Variants in DNAH17 observed in about 807,000 individuals in gnomAD.
DNAH17 encodes the protein axonemal beta dynein heavy chain 17.
DNAH17 carries 376 observed loss-of-function variants against 485.6 expected under a neutral mutation model. That is an observed-to-expected ratio of 0.77 (90% CI 0.71 to 0.84). DNAH17 has a LOEUF of 0.84. DNAH17 is among the 40% of genes least tolerant of loss of function. DNAH17 has a pLI of 0.00. For synonymous variants in DNAH17, 3,031 were observed against 2,405.9 expected, an observed-to-expected ratio of 1.26 and a Z score of -7.60; for missense variants, 6,370 against 5,839.3, an observed-to-expected ratio of 1.09 and a Z score of -2.96.
At chr17:78,565,950 C>CA (rs1172487289) in intron 11 of DNAH17, among the ~76,000 whole-genome samples, 1 of 151,554 alleles carries the variant, frequency 6.6e-6, no homozygotes. Context: ...GACTCCATCT[C>CA]AAAAAACAAA....
chr17:78,561,959 G>C lies in DNAH17; in HGVS notation c.1591C>G (p.Leu531Val). ...SAKLLYMCGGLMERPLILAEV... is the reference protein window; with the variant it reads ...SAKLLYMCGGVMERPLILAEV... ...GCAAGAATCAGGGGCCGCTCCATGA[G>C]GCCCCCACACATGTACAGGAGCTGA... The change falls in exon 12 of 81, where the codon CTC becomes GTC. Residue 531 changes from leucine (L) to valine (V), a missense_variant. Leu to Val is a conservative substitution (Grantham distance 32). Coordinates refer to ENST00000389840, the MANE Select transcript of DNAH17 (RefSeq NM_173628.4). 6.2e-7 allele frequency: 1 copy of C among 1,609,586 alleles called. No individual in the cohort carries two copies. The highest frequency in any genetic ancestry group is 8.5e-7 in the Non-Finnish European group (1 of 1,177,932).
In DNAH17 at chr17:78,445,633, G is replaced by A; in HGVS notation, c.11259C>T (p.Leu3753=). 1 of 1,572,216 alleles carries A rather than the reference G, an allele frequency of 6.4e-7. No homozygotes were observed. Among genetic ancestry groups the A allele is most frequent in the Non-Finnish European group, 8.6e-7 (1 of 1,158,786 alleles). ...KELNPVELDF[L]LRFPFKAGVV... ...CTCCGGCCTTAAAAGGGAACCGCAGGAGGAAATCCAGCTCCACTGGGTTCA... is the reference window on the plus strand; with the variant it reads ...CTCCGGCCTTAAAAGGGAACCGCAGAAGGAAATCCAGCTCCACTGGGTTCA... Residue 3753 remains leucine, a synonymous_variant, in exon 70 of 81, where the codon CTC becomes CTT. Coordinates refer to ENST00000389840, the MANE Select transcript of DNAH17 (RefSeq NM_173628.4).
chr17:78,452,371 C>T (rs901478044), intron 65 of DNAH17, among the ~76,000 whole-genome samples: 4 of 152,142 alleles, frequency 2.6e-5, no homozygotes, highest in South Asian at 2.1e-4. Flanking sequence ...CCCGGCCACA[C>T]GTGGAAAATG....
chr17:78,464,130 G>A (rs1343240768), intron 56 of DNAH17, among the ~76,000 whole-genome samples: 2 of 152,132 alleles, frequency 1.3e-5, no homozygotes, highest in South Asian at 2.1e-4. Flanking sequence ...AACAAGAGAT[G>A]GTAATAAAGG....
rs371025534 is a variant in DNAH17, at chr17:78,532,848, A to G, written c.2860-112T>C. On this transcript the variant is annotated intron_variant, in intron 19 of 80. Transcript: ENST00000389840. ...TTCTCTGTTGGCGAAAGGGCTTCCAATCTCTCATGATGACCTGCTCTTTTT... is the reference window on the plus strand; with the variant it reads ...TTCTCTGTTGGCGAAAGGGCTTCCAGTCTCTCATGATGACCTGCTCTTTTT... 41 of 1,228,340 alleles carry G rather than the reference A, an allele frequency of 3.3e-5. No individual in the cohort carries two copies. In the East Asian group the frequency reaches 5.9e-4, roughly 18 times the overall value. The allele number at this position is 1,228,340 out of a possible 1,614,324, so 76.1% of individuals were successfully genotyped here. A position where few individuals can be genotyped will look rare whatever the true frequency, so the allele number is the denominator to read the frequency against.
Position 78,424,432 on chromosome 17 carries a change from C to T in DNAH17, c.13142-279G>A, listed in dbSNP as rs189661855. ...GCATTTTCAGAGCCTCATCTGTCAG[C>T]CTTAATGTCAGTGGCAGGAAGTCAT... is the stretch of plus-strand genomic sequence containing the variant. On this transcript the variant is annotated intron_variant, in intron 80 of 80. Transcript: ENST00000389840. 660 of 402,418 alleles carry T rather than the reference C, an allele frequency of 1.6e-3. 8 individuals are homozygous for T. In the Admixed American group the frequency reaches 0.024, roughly 15 times the overall value. 24.9% of individuals were successfully genotyped at this position (402,418 alleles called of 1,614,324 possible). A position where few individuals can be genotyped will look rare whatever the true frequency, so the allele number is the denominator to read the frequency against.
chr17:78,429,072 G>A, intron 76 of DNAH17, 49 bp downstream of exon 76: 2 of 1,584,258 alleles, frequency 1.3e-6, no homozygotes, highest in Non-Finnish European at 1.7e-6. Flanking sequence ...CTCACCGGGA[G>A]GCACGAGCCT....
intron 76 of DNAH17, 143 bp downstream of exon 76, chr17:78,428,978 A>G: frequency 1.2e-6 from 1 of 868,432 alleles, no homozygotes. Context: ...GCTTCTTCCA[A>G]GTGAGACGCA....
chr17:78,543,653 G>A, intron 17 of DNAH17: 4 of 721,196 alleles, frequency 5.5e-6, no homozygotes, highest in Non-Finnish European at 2.4e-6. Context: ...TCGATCTCCT[G>A]ACATTAGGTG....
intron 48 of DNAH17, among the ~76,000 whole-genome samples, chr17:78,483,979 C>T (rs1175964527): frequency 1.3e-5 from 2 of 150,374 alleles, no homozygotes; most frequent in East Asian, 4.0e-4. Flanking sequence ...ACCTGTATTA[C>T]CAGCTACTCA....
At chr17:78,485,169 G>T in intron 47 of DNAH17, 136 bp from the exon 48 acceptor site, 2 of 1,198,502 alleles carry the variant, frequency 1.7e-6, no homozygotes, top group Non-Finnish European at 2.3e-6. Context: ...AAAGGTACCT[G>T]CCCTGGGAGT....
chr17:78,553,935 C>CT (rs147779394), intron 14 of DNAH17, among the ~76,000 whole-genome samples: 16,048 of 152,128 alleles, frequency 0.11, 1,042 homozygotes, highest in South Asian at 0.17. Context: ...GGCTCAGACC[C>CT]TTTCCCTGGT....
At chr17:78,451,784 C>A in intron 65 of DNAH17, 111 bp from the exon 66 acceptor site, 7 of 896,874 alleles carry the variant, frequency 7.8e-6, no homozygotes, top group Non-Finnish European at 6.8e-6. Flanking sequence ...CACCTTGAAC[C>A]CTCCCTTCTG....
intron 13 of DNAH17, among the ~76,000 whole-genome samples, chr17:78,558,556 T>G (rs190784021): frequency 6.2e-4 from 60 of 97,500 alleles, no homozygotes; most frequent in African/African-American, 1.3e-3. Flanking sequence ...ATTGCATGTG[T>G]ATGACATCAT....
At chr17:78,552,644 G>T in intron 15 of DNAH17, 53 bp downstream of exon 15, 1 of 1,287,192 alleles carries the variant, frequency 7.8e-7, no homozygotes, top group Non-Finnish European at 1.1e-6. Flanking sequence ...CAGATGCTGG[G>T]CAGGTTGGAC....
At chr17:78,467,120 G>A (rs1390253757) in intron 55 of DNAH17, among the ~76,000 whole-genome samples, 3 of 152,234 alleles carry the variant, frequency 2.0e-5, no homozygotes, top group Non-Finnish European at 4.4e-5. Context: ...GGGCAGATGA[G>A]GCCCCAGAAC....
chr17:78,424,116 T>G lies in DNAH17; in HGVS notation c.13179A>C (p.Glu4393Asp), dbSNP rs770329662. Residue 4393 changes from glutamate (E) to aspartate (D), a missense_variant, in exon 81 of 81, where the codon GAA becomes GAC. Transcript: ENST00000389840. ...RWDTQTGVIA[E>D]ARLKELTPAM... ...CCGGGGTCAGCTCTTTCAGCCGCGCTTCAGCGATGACTCCAGTCTGGGTGT... is the reference window on the plus strand; with the variant it reads ...CCGGGGTCAGCTCTTTCAGCCGCGCGTCAGCGATGACTCCAGTCTGGGTGT... The G allele has an allele frequency of 6.2e-7, 1 of 1,613,576 alleles. No individual in the cohort carries two copies. Among genetic ancestry groups the G allele is most frequent in the South Asian group, 1.1e-5 (1 of 91,082 alleles).
At chr17:78,479,214 G>C in intron 50 of DNAH17, 98 bp from the exon 51 acceptor site, 1 of 1,224,350 alleles carries the variant, frequency 8.2e-7, no homozygotes, top group Non-Finnish European at 1.2e-6. Context: ...ACGAAATGGT[G>C]ACAACTGGAG....
At chr17:78,507,154 C>A in intron 29 of DNAH17, 124 bp downstream of exon 29, 1 of 1,124,454 alleles carries the variant, frequency 8.9e-7, no homozygotes, top group Non-Finnish European at 1.3e-6. Flanking sequence ...AATTGATTAA[C>A]CCAGGACCCA....
Sources: gnomAD v4.1 joint callset for allele counts (sites outside exome capture counted in the v4.1 genomes callset) on GRCh38, gnomAD v4.1.1 for gene constraint, MANE v1.5 for transcripts, NCBI Gene and HGNC (gene_info 2026-07-23, HGNC 2026-07-21) for gene names.